WFDC10B: variants seen among roughly 807,000 people sequenced by gnomAD.
The protein encoded by WFDC10B is WAP four-disulfide core domain 10B.
Under a neutral mutation model 2.7 loss-of-function variants are expected in WFDC10B, and 1 was observed. The observed-to-expected ratio is 0.38, with a 90% confidence interval of 0.13 to 1.79. WFDC10B has a LOEUF of 1.79. WFDC10B is among the 40% of genes most tolerant of loss of function. The pLI, the probability that WFDC10B is intolerant of heterozygous loss-of-function variation, is 0.33. For missense variants in WFDC10B, 71 were observed against 87.8 expected (o/e 0.81, Z 0.76); for synonymous variants, 26 against 32.2 (o/e 0.81, Z 0.65).
At chr20:45,689,105 C>T (rs11906717) in intron 2 of WFDC10B, among the ~76,000 whole-genome samples, 314 of 147,772 alleles carry the variant, frequency 2.1e-3, no homozygotes, top group African/African-American at 7.5e-3. Context: ...GGAATCCTTT[C>T]CCCATTGCTT....
chr20:45,704,811 C>G, intron 1 of WFDC10B, 107 bp downstream of exon 1: 1 of 1,339,808 alleles, frequency 7.5e-7, no homozygotes, highest in Non-Finnish European at 1.1e-6. Flanking sequence ...ATCCCATCAC[C>G]ATATCCGTGA....
At position 45,704,505 on chromosome 20, in the gene WFDC10B, A is replaced by T. The variant is rs1178761280; in HGVS notation, c.-73T>A. ...CTGAAAACTGTACTCACCTGTGTAC[A>T]ATGCAGGAAGATTGCGAGAAAGGAT... On this transcript the variant is annotated 5_prime_UTR_variant, in exon 2 of 4. The change creates a premature stop within an existing upstream ORF in the 5' untranslated region. Transcript: ENST00000330523. 2 of 1,614,214 alleles carry T rather than the reference A, an allele frequency of 1.2e-6. No individual in the cohort carries two copies. The highest frequency in any genetic ancestry group is 3.3e-4 in the Middle Eastern group (2 of 6,062).
chr20:45,685,028 C>G (rs1447679445), intron 3 of WFDC10B, 68 bp from the exon 4 acceptor site: 43 of 1,596,934 alleles, frequency 2.7e-5, no homozygotes, highest in Non-Finnish European at 3.3e-5. Context: ...AAGCTTGAAG[C>G]TCCTCCATGG....
intron 2 of WFDC10B, among the ~76,000 whole-genome samples, chr20:45,693,112 G>T (rs11086975): frequency 0.34 from 51,467 of 152,012 alleles, 8,809 homozygotes; most frequent in South Asian, 0.46. Context: ...TGTTTGCCTG[G>T]GTATCAGCAG....
At chr20:45,693,944 C>T (rs970057490) in intron 2 of WFDC10B, among the ~76,000 whole-genome samples, 4 of 150,242 alleles carry the variant, frequency 2.7e-5, no homozygotes, top group Non-Finnish European at 3.0e-5. Context: ...AGCTGTAGAA[C>T]GGAGCTGTTC....
intron 2 of WFDC10B, among the ~76,000 whole-genome samples, chr20:45,691,367 GCTGAGTTCAATTCCTGGGTAT>G (rs1163504324): frequency 1.3e-5 from 2 of 151,300 alleles, no homozygotes; most frequent in Non-Finnish European, 3.0e-5. Flanking sequence ...TTGGTGCAGA[GCTGAGTTCAATTCCTGGGTAT>G]CCTTGTTGAC....
chr20:45,704,960 C>A lies in WFDC10B; in HGVS notation c.-172G>T. The A allele has an allele frequency of 6.2e-7, 1 of 1,614,164 alleles. No homozygotes were observed. Among genetic ancestry groups the A allele is most frequent in the East Asian group, 2.2e-5 (1 of 44,884 alleles). On this transcript the variant is annotated 5_prime_UTR_variant, in exon 1 of 4. Coordinates refer to ENST00000330523, the MANE Select transcript of WFDC10B (RefSeq NM_172006.2). ...ATCCCAAAGCAAAATTTGTCCTACA[C>A]TTTTGCTTGCCCTCCTTTCACAAGA...
chr20:45,696,838 C>T (rs367960220), intron 2 of WFDC10B, among the ~76,000 whole-genome samples: 1 of 152,188 alleles, frequency 6.6e-6, no homozygotes, highest in East Asian at 1.9e-4. Flanking sequence ...CTATACCAAA[C>T]ATTTTTTTAT....
intron 2 of WFDC10B, among the ~76,000 whole-genome samples, chr20:45,703,633 T>G (rs1434436669): frequency 1.3e-5 from 2 of 151,994 alleles, no homozygotes; most frequent in African/African-American, 2.4e-5. Flanking sequence ...AGTCCAGGAA[T>G]AGAAAGGAGA....
chr20:45,689,868 C>G (rs2145635881), intron 2 of WFDC10B, among the ~76,000 whole-genome samples: 1 of 152,246 alleles, frequency 6.6e-6, no homozygotes, highest in Admixed American at 6.5e-5. Context: ...GCCAGAACTT[C>G]CAACACTATG....
At chr20:45,701,924 A>C (rs1984178403) in intron 2 of WFDC10B, 2 of 568,782 alleles carry the variant, frequency 3.5e-6, no homozygotes, top group South Asian at 2.3e-5. Flanking sequence ...GAGGATATGA[A>C]AACACTACGT....
intron 2 of WFDC10B, among the ~76,000 whole-genome samples, chr20:45,693,608 C>T (rs1441923936): frequency 2.6e-5 from 4 of 152,172 alleles, no homozygotes; most frequent in Admixed American, 1.3e-4. Context: ...CAGCGAGACT[C>T]GGTGGGCATA....
chr20:45,703,844 G>A (rs903779936), intron 2 of WFDC10B, among the ~76,000 whole-genome samples: 2 of 152,144 alleles, frequency 1.3e-5, no homozygotes, highest in African/African-American at 4.8e-5. Context: ...ATCTTTGAAC[G>A]CCATTCTGAA....
At chr20:45,699,622 G>A (rs983200667) in intron 2 of WFDC10B, among the ~76,000 whole-genome samples, 1 of 152,172 alleles carries the variant, frequency 6.6e-6, no homozygotes, top group African/African-American at 2.4e-5. Flanking sequence ...TTACAAAAAG[G>A]TATAATCTTT....
chr20:45,702,087 C>G, intron 2 of WFDC10B: 2 of 1,597,346 alleles, frequency 1.3e-6, no homozygotes, highest in South Asian at 2.3e-5. Context: ...ACCCAGCAAC[C>G]CTTGGCCAGA....
At chr20:45,693,483 AG>A (rs1455002478) in intron 2 of WFDC10B, among the ~76,000 whole-genome samples, 1 of 152,196 alleles carries the variant, frequency 6.6e-6, no homozygotes, top group Non-Finnish European at 1.5e-5. Context: ...GGCTCCACCC[AG>A]TTGGAGCTTC....
intron 2 of WFDC10B, among the ~76,000 whole-genome samples, chr20:45,688,363 T>G (rs1339098248): frequency 3.9e-5 from 6 of 152,138 alleles, no homozygotes; most frequent in African/African-American, 7.2e-5. Context: ...ATAGCAGCAT[T>G]ATTTATAGTC....
At chr20:45,690,681 G>A (rs182592358) in intron 2 of WFDC10B, among the ~76,000 whole-genome samples, 2 of 152,018 alleles carry the variant, frequency 1.3e-5, no homozygotes, top group African/African-American at 4.8e-5. Context: ...GGGATCGGTG[G>A]TGATACCCCT....
At chr20:45,698,892 C>T (rs1371971903) in intron 2 of WFDC10B, among the ~76,000 whole-genome samples, 1 of 150,122 alleles carries the variant, frequency 6.7e-6, no homozygotes, top group Non-Finnish European at 1.5e-5. Flanking sequence ...CGCTTGAACC[C>T]AGGAGGTGGA....
Sources: gnomAD v4.1 joint callset for allele counts (sites outside exome capture counted in the v4.1 genomes callset) on GRCh38, gnomAD v4.1.1 for gene constraint, MANE v1.5 for transcripts, NCBI Gene and HGNC (gene_info 2026-07-23, HGNC 2026-07-21) for gene names.